TTC28: variants seen among roughly 807,000 people sequenced by gnomAD.
The protein encoded by TTC28 is tetratricopeptide repeat protein 28.
Under a neutral mutation model 198.0 loss-of-function variants are expected in TTC28, and 61 were observed. That is an observed-to-expected ratio of 0.31 (90% CI 0.25 to 0.38). The LOEUF is 0.38. Ranked by LOEUF, TTC28 falls within the 10% of genes least tolerant of loss-of-function variation. The probability of loss-of-function intolerance (pLI) is 1.00; values close to 1 mark genes in which losing one functional copy is unlikely to be tolerated. For synonymous variants in TTC28, 1,171 were observed against 1,297.8 expected (o/e 0.90, Z 2.10); for missense variants, 2,678 against 3,164.0 (o/e 0.85, Z 3.69).
At chr22:28,039,597 C>A (rs1026492149) in intron 12 of TTC28, among the ~76,000 whole-genome samples, 2 of 151,924 alleles carry the variant, frequency 1.3e-5, no homozygotes, top group Admixed American at 1.3e-4. Context: ...TGCAGCACAC[C>A]AACATGGCAC....
At chr22:28,045,187 A>C (rs1358699954) in intron 12 of TTC28, among the ~76,000 whole-genome samples, 1 of 152,200 alleles carries the variant, frequency 6.6e-6, no homozygotes, top group African/African-American at 2.4e-5. Flanking sequence ...CAGGTTGAGT[A>C]TCCTTATCTG....
intron 2 of TTC28, among the ~76,000 whole-genome samples, chr22:28,527,831 C>T (rs2049037580): frequency 6.6e-6 from 1 of 152,062 alleles, no homozygotes; most frequent in Non-Finnish European, 1.5e-5. Context: ...TGGGGTCTCA[C>T]CATGTTGCCC....
chr22:28,337,146 G>T (rs1336494314), intron 2 of TTC28, among the ~76,000 whole-genome samples: 1 of 152,050 alleles, frequency 6.6e-6, no homozygotes, highest in South Asian at 2.1e-4. Context: ...GTAGTTGCGC[G>T]GTTTTCAGTG....
intron 2 of TTC28, among the ~76,000 whole-genome samples, chr22:28,435,796 T>C (rs2047511247): frequency 6.6e-6 from 1 of 152,232 alleles, no homozygotes; most frequent in Non-Finnish European, 1.5e-5. Flanking sequence ...TAGTTTTCTA[T>C]AGATGACCAT....
intron 12 of TTC28, among the ~76,000 whole-genome samples, chr22:28,058,126 T>G (rs1183866209): frequency 6.6e-6 from 1 of 152,128 alleles, no homozygotes; most frequent in Non-Finnish European, 1.5e-5. Flanking sequence ...ATAATAAATA[T>G]TTTAGGCTTA....
rs190076060 is a variant in TTC28, at chr22:27,980,012, G to A, written c.*2209C>T. Reference sequence around the variant, plus strand: ...AGCTGGCTCAATAACCACAGGAAGCGGCAGGGTGGTGGGGGTGTTTGCTAG... The same window carrying A: ...AGCTGGCTCAATAACCACAGGAAGCAGCAGGGTGGTGGGGGTGTTTGCTAG... On this transcript the variant is annotated 3_prime_UTR_variant, in exon 23 of 23. Coordinates refer to ENST00000397906, the MANE Select transcript of TTC28 (RefSeq NM_001145418.2). 3 of 152,340 alleles carry A rather than the reference G, an allele frequency of 2.0e-5. No homozygotes were observed. The highest frequency in any genetic ancestry group is 1.9e-4 in the East Asian group (1 of 5,184). 9.4% of individuals were successfully genotyped at this position (152,340 alleles called of 1,614,324 possible).
chr22:28,533,651 T>G (rs1006358429), intron 2 of TTC28, among the ~76,000 whole-genome samples: 1 of 152,194 alleles, frequency 6.6e-6, no homozygotes, highest in African/African-American at 2.4e-5. Context: ...GCTACCTGAC[T>G]TCAAACTATA....
chr22:28,527,072 T>C (rs1005269704), intron 2 of TTC28, among the ~76,000 whole-genome samples: 7 of 152,298 alleles, frequency 4.6e-5, no homozygotes, highest in Non-Finnish European at 7.4e-5. Flanking sequence ...CTAGGTTTTC[T>C]ACCTGTTGCA....
chr22:28,101,489 C>A (rs1942151528), intron 8 of TTC28, among the ~76,000 whole-genome samples: 1 of 152,122 alleles, frequency 6.6e-6, no homozygotes, highest in Non-Finnish European at 1.5e-5. Flanking sequence ...CTCCGGAATA[C>A]CTGGGACTAC....
chr22:28,564,142 G>A (rs950941542), intron 2 of TTC28, among the ~76,000 whole-genome samples: 8 of 152,122 alleles, frequency 5.3e-5, no homozygotes, highest in African/African-American at 1.7e-4. Context: ...AGGAAATGGG[G>A]AGCAAATGCT....
chr22:28,624,249 G>A (rs1435759127), intron 2 of TTC28, among the ~76,000 whole-genome samples: 1 of 151,972 alleles, frequency 6.6e-6, no homozygotes, highest in Non-Finnish European at 1.5e-5. Flanking sequence ...GTGGTGGCAG[G>A]TGCCTGTAGC....
At chr22:28,585,164 G>A (rs1487197451) in intron 2 of TTC28, among the ~76,000 whole-genome samples, 1 of 152,110 alleles carries the variant, frequency 6.6e-6, no homozygotes, top group Non-Finnish European at 1.5e-5. Context: ...AATGGACCTG[G>A]GGCTGGGGAG....
chr22:28,035,318 C>T (rs559576073), intron 12 of TTC28, among the ~76,000 whole-genome samples: 3 of 152,134 alleles, frequency 2.0e-5, no homozygotes, highest in Non-Finnish European at 2.9e-5. Context: ...AGTGAGATAG[C>T]TCCTACACCG....
intron 2 of TTC28, among the ~76,000 whole-genome samples, chr22:28,615,118 C>T (rs910873186): frequency 6.6e-6 from 1 of 152,032 alleles, no homozygotes; most frequent in African/African-American, 2.4e-5. Context: ...AAACAAAAAA[C>T]CCCATCAAAA....
At chr22:28,384,532 G>A (rs1257497620) in intron 2 of TTC28, among the ~76,000 whole-genome samples, 1 of 152,116 alleles carries the variant, frequency 6.6e-6, no homozygotes, top group African/African-American at 2.4e-5. Flanking sequence ...ATTTTATTCA[G>A]CAACAAGTCC....
chr22:28,609,971 G>A (rs936916066), intron 2 of TTC28, among the ~76,000 whole-genome samples: 6 of 152,190 alleles, frequency 3.9e-5, no homozygotes, highest in Non-Finnish European at 8.8e-5. Flanking sequence ...AAAGCCACCA[G>A]GAAGTTCAAA....
chr22:28,528,397 GTAATCC>G (rs1444616274), intron 2 of TTC28, among the ~76,000 whole-genome samples: 1 of 152,012 alleles, frequency 6.6e-6, no homozygotes, highest in African/African-American at 2.4e-5. Context: ...GATGCATATA[GTAATCC>G]CTTGAATAGC....
Position 27,982,479 on chromosome 22 carries a change from A to G in TTC28, c.7188T>C (p.Asn2396=). Residue 2396 remains asparagine (N), a synonymous_variant, in exon 23 of 23, where the codon AAT becomes AAC. Transcript: ENST00000397906. The surrounding 1 kb of genome is among the most constrained non-coding windows in gnomAD (Gnocchi z 5.2). ...TSKRDVLSLL[N]LSPRHNKKEE... is the part of the protein sequence containing the mutation. ...CCTTCTTATTGTGCCGTGGTGACAA[A>G]TTCAACAGACTGAGGACATCCCTTT... The G allele has an allele frequency of 6.4e-7, 1 of 1,551,604 alleles. No homozygotes were observed. Among genetic ancestry groups the G allele is most frequent in the Non-Finnish European group, 8.7e-7 (1 of 1,146,974 alleles).
intron 13 of TTC28, among the ~76,000 whole-genome samples, chr22:28,025,507 C>T (rs1016289042): frequency 4.6e-5 from 7 of 152,182 alleles, no homozygotes; most frequent in Admixed American, 3.9e-4. Context: ...GATGGCCGGC[C>T]TACACTGGGC....
Sources: gnomAD v4.1 joint callset for allele counts (sites outside exome capture counted in the v4.1 genomes callset) on GRCh38, gnomAD v4.1.1 for gene constraint, Gnocchi (gnomAD v3.1) non-coding constraint, MANE v1.5 for transcripts, NCBI Gene and HGNC (gene_info 2026-07-23, HGNC 2026-07-21) for gene names.